LAMA5: variants seen among roughly 807,000 people sequenced by gnomAD.
The protein encoded by LAMA5 is laminin subunit alpha-5.
Under a neutral mutation model 433.4 loss-of-function variants are expected in LAMA5, and 260 were observed. The observed-to-expected ratio is 0.60, with a 90% CI of 0.54 to 0.66. The LOEUF is 0.66. Among genes scored for constraint, LAMA5 ranks in the 30% least tolerant of loss-of-function variants. The pLI, the probability that LAMA5 is intolerant of heterozygous loss-of-function variation, is 0.00. For synonymous variants in LAMA5, 2,620 were observed against 2,226.6 expected (o/e 1.18, Z -4.97); for missense variants, 5,378 against 5,258.5 (o/e 1.02, Z -0.70).
At chr20:62,365,776 G>A (rs1986653743) in intron 1 of LAMA5, among the ~76,000 whole-genome samples, 2 of 152,196 alleles carry the variant, frequency 1.3e-5, no homozygotes, top group Non-Finnish European at 2.9e-5. Context: ...CCAGGGCTCA[G>A]ATCCCCCATC....
At position 62,333,590 on chromosome 20, in the gene LAMA5, G is replaced by GCAGGGCCCAGGTGC; in HGVS notation, c.2981_2994dup (p.Arg999AlafsTer34). On this transcript the variant is annotated frameshift_variant, in exon 24 of 80. Transcript: ENST00000252999. LOFTEE classifies it high-confidence loss of function. ...AGGAGCACCCCTTCGGCCTCCACAC[G>GCAGGGCCCAGGTGC]CAGGGCCCAGGTGCCAGGGTTCAGC... 6.4e-7 allele frequency: 1 copy of GCAGGGCCCAGGTGC among 1,569,936 alleles called. No individual in the cohort carries two copies. The highest frequency in any genetic ancestry group is 8.6e-7 in the Non-Finnish European group (1 of 1,157,888).
At chr20:62,357,557 C>T (rs1040985086) in intron 2 of LAMA5, among the ~76,000 whole-genome samples, 3 of 152,326 alleles carry the variant, frequency 2.0e-5, no homozygotes, top group East Asian at 1.9e-4. Context: ...ATAAGCACGG[C>T]GGCCACACAA....
intron 2 of LAMA5, among the ~76,000 whole-genome samples, chr20:62,356,882 G>A (rs564298749): frequency 6.8e-4 from 104 of 152,352 alleles, no homozygotes; most frequent in African/African-American, 2.5e-3. Flanking sequence ...CAGCCACCCC[G>A]CAGAGACGCT....
At chr20:62,314,753 C>A (rs749763143) in intron 60 of LAMA5, 28 bp from the exon 61 acceptor site, 5 of 1,612,576 alleles carry the variant, frequency 3.1e-6, no homozygotes, top group Non-Finnish European at 4.2e-6. Flanking sequence ...TCAGCGTCCA[C>A]CACCACCCTC....
At chr20:62,318,724 C>A in intron 52 of LAMA5, 74 bp from the exon 53 acceptor site, 1 of 1,570,534 alleles carries the variant, frequency 6.4e-7, no homozygotes, top group Non-Finnish European at 8.7e-7. Flanking sequence ...CCACTTGGTG[C>A]CCGCCAGATC....
At chr20:62,325,614 AC>A (rs1299773755) in intron 40 of LAMA5, 68 bp from the exon 41 acceptor site, 16 of 1,043,432 alleles carry the variant, frequency 1.5e-5, no homozygotes, top group Admixed American at 2.4e-5. Flanking sequence ...CCTAGAACAG[AC>A]CCCCCAACCC....
At position 62,359,471 on chromosome 20, in the gene LAMA5, C is replaced by T. The variant is rs1305719028; in HGVS notation, c.450+2929G>A. On this transcript the variant is annotated intron_variant, in intron 2 of 79. Transcript: ENST00000252999. The surrounding 1 kb of genome is among the most constrained non-coding windows in gnomAD (Gnocchi z 4.3). ...CAGTCATGAACGCGCTCACCCTTCC[C>T]TGGGCCTGGGGCCTGGGGCCTGGGG... Among the ~76,000 whole-genome samples, 1 of 77,314 alleles carries T rather than the reference C, an allele frequency of 1.3e-5. No individual in the cohort carries two copies. The highest frequency in any genetic ancestry group is 2.8e-5 in the Non-Finnish European group (1 of 35,758). 50.7% of individuals were successfully genotyped at this position (77,314 alleles called of 152,430 possible).
At chr20:62,332,222 G>A (rs946862944) in intron 28 of LAMA5, 150 bp downstream of exon 28, 1 of 614,524 alleles carries the variant, frequency 1.6e-6, no homozygotes. Context: ...CTTGCAGGAG[G>A]GGTTCCAGAA....
chr20:62,320,955 G>A (rs1255446675), intron 48 of LAMA5, 65 bp from the exon 49 acceptor site: 20 of 1,533,768 alleles, frequency 1.3e-5, no homozygotes, highest in East Asian at 1.1e-4. Flanking sequence ...TGATCAGCTG[G>A]GGCCCTGGGG....
In LAMA5 at chr20:62,312,992, C is replaced by T; in HGVS notation, c.8974G>A (p.Ala2992Thr). The T allele has an allele frequency of 6.3e-7, 1 of 1,581,640 alleles. No individual in the cohort carries two copies. The highest frequency in any genetic ancestry group is 1.2e-5 in the South Asian group (1 of 86,292). ...AGCACGAGGCTGCCTTCTTGCACGG[C>T]CAAGCACAGGAACTGGCTCTGCAGA... Reference protein sequence around the residue: ...LKQQSQFLCLAVQEGSLVLLY... With the variant: ...LKQQSQFLCLTVQEGSLVLLY... Residue 2992 changes from alanine to threonine, a missense_variant, in exon 66 of 80, where the codon GCC (alanine) becomes ACC (threonine). By Grantham distance (58) the Ala-to-Thr change is moderately conservative. Coordinates refer to ENST00000252999, the MANE Select transcript of LAMA5 (RefSeq NM_005560.6).
chr20:62,343,399 C>T (rs1982886212), intron 11 of LAMA5, among the ~76,000 whole-genome samples: 1 of 152,104 alleles, frequency 6.6e-6, no homozygotes, highest in Non-Finnish European at 1.5e-5. Flanking sequence ...TCAAAATTTA[C>T]AAAATCAGGA....
At chr20:62,335,557 C>A (rs1470644641) in intron 18 of LAMA5, among the ~76,000 whole-genome samples, 1 of 149,630 alleles carries the variant, frequency 6.7e-6, no homozygotes, top group African/African-American at 2.5e-5. Flanking sequence ...GACTCCAGCC[C>A]CCCCCCAGGA....
chr20:62,318,821 T>TG (rs1324426081), intron 52 of LAMA5, 22 bp downstream of exon 52: 2 of 1,608,650 alleles, frequency 1.2e-6, no homozygotes, highest in South Asian at 2.2e-5. Context: ...CCACCCCGCC[T>TG]GCCAGGGACA....
At position 62,325,394 on chromosome 20, in the gene LAMA5, G is replaced by C. The variant is rs1228175484; in HGVS notation, c.5451C>G (p.Ser1817Arg). 6.2e-7 allele frequency: 1 copy of C among 1,611,520 alleles called. No individual in the cohort carries two copies. The highest frequency in any genetic ancestry group is 1.7e-5 in the Admixed American group (1 of 59,932). The change falls in exon 41 of 80, where the codon AGC becomes AGG. Residue 1817 changes from serine (S) to arginine (R), a missense_variant. Coordinates refer to ENST00000252999, the MANE Select transcript of LAMA5 (RefSeq NM_005560.6). The part of the protein sequence containing the change: ...FLRRVALEVA[S>R]PAGQGALASN... The stretch of plus-strand genomic sequence containing the variant: ...TGGCCAGGGCCCCCTGGCCTGCTGG[G>C]CTGGCCACCTCCAGTGCCACCCTGC...
chr20:62,351,931 C>G lies in LAMA5; in HGVS notation c.836G>C (p.Arg279Pro), dbSNP rs141366910. Residue 279 changes from arginine to proline, a missense_variant, in exon 5 of 80, where the codon CGG (arginine) becomes CCG (proline). Physicochemically the swap from Arg to Pro is moderately radical, Grantham distance 103. Coordinates refer to ENST00000252999, the MANE Select transcript of LAMA5 (RefSeq NM_005560.6). ...CACCCGGCGGGTGACCGTGGGGTCCCGCAGCGCCTTCCCCATGAGATGGCC... is the reference window on the plus strand; with the variant it reads ...CACCCGGCGGGTGACCGTGGGGTCCGGCAGCGCCTTCCCCATGAGATGGCC... ...LLGHLMGKAL[R>P]DPTVTRRYYY... is the part of the protein sequence containing the mutation. 1 of 1,608,832 alleles carries G rather than the reference C, an allele frequency of 6.2e-7. No homozygotes were observed. The highest frequency in any genetic ancestry group is 8.5e-7 in the Non-Finnish European group (1 of 1,178,370).
intron 11 of LAMA5, among the ~76,000 whole-genome samples, chr20:62,341,827 A>C (rs866886614): frequency 8.1e-4 from 11 of 13,620 alleles, no homozygotes; most frequent in Admixed American, 1.1e-3. Context: ...CTGATCAACC[A>C]AAAAAAAAAA....
At chr20:62,353,094 C>A (rs768094632) in intron 3 of LAMA5, 40 bp downstream of exon 3, 3 of 1,451,520 alleles carry the variant, frequency 2.1e-6, no homozygotes, top group South Asian at 1.2e-5. Flanking sequence ...CAGGGACCCC[C>A]CTGCCTCTCC....
rs1979641434 is a variant in LAMA5 at position 62,328,089 on chromosome 20, C to A, written c.4653-79G>T. On this transcript the variant is annotated intron_variant, in intron 35 of 79. Transcript: ENST00000252999. ...GTGAGACCTCGTAGGCACCCCCCAC[C>A]CAGGCAGCATCCTCCCAGAAGTGGA... 1.6e-5 allele frequency: 26 copies of A among 1,579,222 alleles called. No individual in the cohort carries two copies. The South Asian group carries it at 2.9e-4, about 18-fold the overall frequency.
intron 1 of LAMA5, among the ~76,000 whole-genome samples, chr20:62,365,977 C>G (rs1257010678): frequency 6.6e-6 from 1 of 152,190 alleles, no homozygotes; most frequent in Non-Finnish European, 1.5e-5. Context: ...GGCCCTCTGC[C>G]CCCACCCAGC....
Sources: gnomAD v4.1 joint callset for allele counts (sites outside exome capture counted in the v4.1 genomes callset) on GRCh38, gnomAD v4.1.1 for gene constraint, Gnocchi (gnomAD v3.1) non-coding constraint, MANE v1.5 for transcripts, NCBI Gene and HGNC (gene_info 2026-07-23, HGNC 2026-07-21) for gene names.